Variants in ZC3H3 observed in about 807,000 individuals in gnomAD.
ZC3H3 encodes the protein zinc finger CCCH domain-containing protein 3.
In ZC3H3, 36 loss-of-function variants were observed where a neutral mutation model predicts 77.3. That is an observed-to-expected ratio of 0.47 (90% CI 0.36 to 0.61). The LOEUF (loss-of-function observed/expected upper bound fraction) is 0.61. Ranked by LOEUF, ZC3H3 falls within the 20% of genes least tolerant of loss-of-function variation. ZC3H3 has a pLI of 0.00. For synonymous variants in ZC3H3, 626 were observed against 555.2 expected (o/e 1.13, Z -1.79); for missense variants, 1,331 against 1,312.2 (o/e 1.01, Z -0.22).
At position 143,539,394 on chromosome 8, in the gene ZC3H3, C is replaced by T; in HGVS notation, c.47-74G>A. 3.5e-6 allele frequency: 5 copies of T among 1,413,128 alleles called. No homozygotes were observed. The South Asian group carries it at 6.8e-5, about 19-fold the overall frequency. 87.5% of individuals were successfully genotyped at this position (1,413,128 alleles called of 1,614,324 possible). On this transcript the variant is annotated intron_variant, in intron 1 of 11. Coordinates refer to ENST00000262577, the MANE Select transcript of ZC3H3 (RefSeq NM_015117.3). ...AATCATGACTACCCTGGAAGGGCATCAGCTGGCAAGATACCCCCAGATCCC... is the reference window on the plus strand; with the variant it reads ...AATCATGACTACCCTGGAAGGGCATTAGCTGGCAAGATACCCCCAGATCCC...
rs778393897 is a variant in ZC3H3, at chr8:143,541,406, T to C, written c.16A>G (p.Ile6Val). Residue 6 changes from isoleucine (I) to valine (V), a missense_variant, in exon 1 of 12, where the codon ATA becomes GTA. By Grantham distance (29) the Ile-to-Val change is conservative. Coordinates refer to ENST00000262577, the MANE Select transcript of ZC3H3 (RefSeq NM_015117.3). MEEKE[I>V]LRRQIRLLQG... Reference sequence around the variant, plus strand: ...AGTAGGCGGATCTGCCGCCGTAATATCTCCTTTTCCTCCATCTCCCGAGTC... The same window carrying C: ...AGTAGGCGGATCTGCCGCCGTAATACCTCCTTTTCCTCCATCTCCCGAGTC... The C allele has an allele frequency of 6.2e-7, 1 of 1,611,628 alleles. No homozygotes were observed. Among genetic ancestry groups the C allele is most frequent in the South Asian group, 1.1e-5 (1 of 90,928 alleles).
At chr8:143,502,587 G>A (rs1821559220) in intron 4 of ZC3H3, among the ~76,000 whole-genome samples, 2 of 152,222 alleles carry the variant, frequency 1.3e-5, no homozygotes, top group South Asian at 4.1e-4. Context: ...AGATGGAAAA[G>A]CCTCCGATTC....
intron 9 of ZC3H3, 94 bp from the exon 10 acceptor site, chr8:143,441,214 C>T: frequency 7.9e-7 from 1 of 1,269,856 alleles, no homozygotes; most frequent in South Asian, 2.1e-5. Flanking sequence ...CCCCCGAGTA[C>T]CCACGGGGCC....
At chr8:143,503,311 C>T (rs1353684750) in intron 4 of ZC3H3, among the ~76,000 whole-genome samples, 2 of 152,180 alleles carry the variant, frequency 1.3e-5, no homozygotes, top group South Asian at 2.1e-4. Flanking sequence ...CCCTCTGCCC[C>T]ACCCCAGTCT....
intron 4 of ZC3H3, among the ~76,000 whole-genome samples, chr8:143,479,716 C>T (rs369031321): frequency 1.4e-4 from 21 of 152,300 alleles, no homozygotes; most frequent in African/African-American, 4.6e-4. Flanking sequence ...CAATTTACTC[C>T]GAACAGAAGT....
At chr8:143,481,247 C>T (rs1016136078) in intron 4 of ZC3H3, among the ~76,000 whole-genome samples, 1 of 152,202 alleles carries the variant, frequency 6.6e-6, no homozygotes, top group Non-Finnish European at 1.5e-5. Flanking sequence ...TACACAAAGG[C>T]CAACACAGAC....
At chr8:143,515,717 G>T (rs921952306) in intron 3 of ZC3H3, among the ~76,000 whole-genome samples, 15 of 152,220 alleles carry the variant, frequency 9.9e-5, no homozygotes, top group Admixed American at 9.8e-4. Context: ...TGGGAATGTG[G>T]CCAAGGCCTA....
At chr8:143,444,597 CA>C (rs1199242009) in intron 9 of ZC3H3, among the ~76,000 whole-genome samples, 2 of 152,154 alleles carry the variant, frequency 1.3e-5, no homozygotes, top group African/African-American at 4.8e-5. Context: ...AGCACATTAA[CA>C]GGTTAAAAGA....
intron 5 of ZC3H3, among the ~76,000 whole-genome samples, chr8:143,469,509 T>C (rs1820504816): frequency 6.6e-6 from 1 of 152,214 alleles, no homozygotes; most frequent in South Asian, 2.1e-4. Flanking sequence ...ATTTTAGAGG[T>C]GCCTCATCAG....
rs113930483 is a variant in ZC3H3 at position 143,458,123 on chromosome 8, C to T, written c.2307+7594G>A. Among the ~76,000 whole-genome samples, 313 of 152,322 alleles carry T rather than the reference C, an allele frequency of 2.1e-3. 2 individuals carry two copies. Among genetic ancestry groups the T allele is most frequent in the Admixed American group, 4.2e-3 (64 of 15,304 alleles). On this transcript the variant is annotated intron_variant, in intron 9 of 11. Coordinates refer to ENST00000262577, the MANE Select transcript of ZC3H3 (RefSeq NM_015117.3). ...AATGAAAAAAAGAAGTCACAAACTT[C>T]CAGTAACAGAAATGAAATTTCCAGT...
chr8:143,502,909 G>T (rs896944), intron 4 of ZC3H3, among the ~76,000 whole-genome samples: 1 of 152,230 alleles, frequency 6.6e-6, no homozygotes, highest in Non-Finnish European at 1.5e-5. Flanking sequence ...CAGTCCTGGG[G>T]CCCGGGGGAG....
At chr8:143,446,946 T>C (rs1468337799) in intron 9 of ZC3H3, among the ~76,000 whole-genome samples, 1 of 152,220 alleles carries the variant, frequency 6.6e-6, no homozygotes, top group African/African-American at 2.4e-5. Flanking sequence ...AGGCACCAGG[T>C]CACCTTTTCC....
Position 143,437,843 on chromosome 8 carries a change from G to C in ZC3H3, c.*213C>G. On this transcript the variant is annotated 3_prime_UTR_variant, in exon 12 of 12. Coordinates refer to ENST00000262577, the MANE Select transcript of ZC3H3 (RefSeq NM_015117.3). Reference sequence around the variant, plus strand: ...TGGCACCCTGGAAGGTGGTGGGGTGGGGACAGGGGCCTGGCTTGGGGGAGG... The same window carrying C: ...TGGCACCCTGGAAGGTGGTGGGGTGCGGACAGGGGCCTGGCTTGGGGGAGG... The C allele has an allele frequency of 3.2e-6, 2 of 630,434 alleles. No individual in the cohort carries two copies. The highest frequency in any genetic ancestry group is 2.7e-6 in the Non-Finnish European group (1 of 366,416). The allele number at this position is 630,434 out of a possible 1,614,324, so 39.1% of individuals were successfully genotyped here.
rs1822913549 is a variant in ZC3H3, at chr8:143,539,043, C to T, written c.324G>A (p.Gln108=). 2 of 1,613,046 alleles carry T rather than the reference C, an allele frequency of 1.2e-6. No individual in the cohort carries two copies. Among genetic ancestry groups the T allele is most frequent in the South Asian group, 2.2e-5 (2 of 91,086 alleles). ...GCTGGACCTGTCTCTCAAGGACATG[C>T]TGCTGCGGGACAGGAGGCTGGCCCC... is the stretch of plus-strand genomic sequence containing the variant. ...ARGGQPPVPQ[Q]HVLERQVQLS... The change falls in exon 2 of 12, where the codon CAG becomes CAA. Residue 108 remains glutamine (Q), a synonymous_variant. Coordinates refer to ENST00000262577, the MANE Select transcript of ZC3H3 (RefSeq NM_015117.3).
At chr8:143,491,784 G>T (rs1273020893) in intron 4 of ZC3H3, among the ~76,000 whole-genome samples, 1 of 152,250 alleles carries the variant, frequency 6.6e-6, no homozygotes. Flanking sequence ...GGGGCCGGGT[G>T]CAGGGTGGGC....
rs956056928 is a variant in ZC3H3, at chr8:143,453,738, T to A, written c.2307+11979A>T. Among the ~76,000 whole-genome samples, 87 of 152,224 alleles carry A rather than the reference T, an allele frequency of 5.7e-4. 4 individuals carry two copies. Among genetic ancestry groups the A allele is most frequent in the Non-Finnish European group, 1.0e-4 (7 of 68,046 alleles). On this transcript the variant is annotated intron_variant, in intron 9 of 11. Transcript: ENST00000262577. The stretch of plus-strand genomic sequence containing the variant: ...GACTTTCCATCTCTTCCCCAGTTTT[T>A]AAAATTATGTTTGATGACTGAAATA...
intron 4 of ZC3H3, among the ~76,000 whole-genome samples, chr8:143,485,794 A>G (rs1821035822): frequency 1.3e-5 from 2 of 152,246 alleles, no homozygotes; most frequent in African/African-American, 4.8e-5. Flanking sequence ...AAACAGGCCA[A>G]CACCCAAAGA....
At position 143,532,013 on chromosome 8, in the gene ZC3H3, C is replaced by T. The variant is rs1023731932; in HGVS notation, c.1561+4244G>A. On this transcript the variant is annotated intron_variant, in intron 3 of 11. Transcript: ENST00000262577. ...GGAAATTGATTGAACGCGGCAATTA[C>T]GCTGCAATAGTAACTCAGGGGAGAT... Among the ~76,000 whole-genome samples, 8 of 152,252 alleles carry T rather than the reference C, an allele frequency of 5.3e-5. No individual in the cohort carries two copies. In the East Asian group the frequency reaches 7.7e-4, roughly 15 times the overall value.
chr8:143,462,601 T>C lies in ZC3H3; in HGVS notation c.2307+3116A>G, dbSNP rs1188627761. Among the ~76,000 whole-genome samples the C allele has an allele frequency of 6.6e-6, 1 of 152,158 alleles. No individual in the cohort carries two copies. Among genetic ancestry groups the C allele is most frequent in the Non-Finnish European group, 1.5e-5 (1 of 68,000 alleles). On this transcript the variant is annotated intron_variant, in intron 9 of 11. Transcript: ENST00000262577. The surrounding 1 kb of genome is among the most constrained non-coding windows in gnomAD (Gnocchi z 4.7). ...AGGTGACTCAGGTCTCAGCTCGCAC[T>C]TGGGGAGCTGAAACCCAAGGCTCAG...
Sources: allele counts gnomAD v4.1 joint callset (sites outside exome capture counted in the v4.1 genomes callset), GRCh38; gene constraint gnomAD v4.1.1; non-coding constraint Gnocchi (gnomAD v3.1); transcripts MANE v1.5; gene names NCBI Gene and HGNC (gene_info 2026-07-23, HGNC 2026-07-21).